CNTNAP2: variants seen among roughly 807,000 people sequenced by gnomAD.
The protein encoded by CNTNAP2 is contactin associated protein 2.
In CNTNAP2, 98 loss-of-function variants were observed where a neutral mutation model predicts 155.2. The observed-to-expected ratio is 0.63, with a 90% confidence interval of 0.54 to 0.75. The LOEUF is 0.75. Ranked by LOEUF, CNTNAP2 falls within the 30% of genes least tolerant of loss-of-function variation. CNTNAP2 has a pLI of 0.00. For synonymous variants in CNTNAP2, 651 were observed against 631.2 expected (o/e 1.03, Z -0.47); for missense variants, 1,727 against 1,688.1 (o/e 1.02, Z -0.40).
intron 13 of CNTNAP2, among the ~76,000 whole-genome samples, chr7:147,877,327 T>C (rs1392382656): frequency 1.3e-5 from 2 of 152,194 alleles, no homozygotes; most frequent in East Asian, 3.9e-4. Flanking sequence ...AACCAATCGG[T>C]CAGTCCATCC....
intron 21 of CNTNAP2, among the ~76,000 whole-genome samples, chr7:148,372,331 G>C (rs1220950307): frequency 6.6e-6 from 1 of 152,150 alleles, no homozygotes; most frequent in Non-Finnish European, 1.5e-5. Context: ...TGAAGGCCTA[G>C]GACATTATAC....
intron 3 of CNTNAP2, among the ~76,000 whole-genome samples, chr7:146,933,904 C>G (rs1020705194): frequency 2.6e-5 from 4 of 151,610 alleles, no homozygotes; most frequent in East Asian, 1.9e-4. Context: ...CCATCTCACA[C>G]CAGTTAGAAT....
intron 1 of CNTNAP2, among the ~76,000 whole-genome samples, chr7:146,341,080 G>C (rs994848090): frequency 5.9e-5 from 9 of 152,070 alleles, no homozygotes; most frequent in African/African-American, 2.2e-4. Flanking sequence ...ATGTTTAATA[G>C]TTATTAAAGT....
chr7:146,966,438 A>C (rs1048721019), intron 3 of CNTNAP2, among the ~76,000 whole-genome samples: 1 of 152,220 alleles, frequency 6.6e-6, no homozygotes, highest in Non-Finnish European at 1.5e-5. Flanking sequence ...CTGTGCCCAG[A>C]ACCAGCTGCC....
At chr7:147,320,256 A>C (rs769040494) in intron 9 of CNTNAP2, among the ~76,000 whole-genome samples, 11 of 152,206 alleles carry the variant, frequency 7.2e-5, no homozygotes, top group Non-Finnish European at 1.5e-4. Flanking sequence ...AGATATTTCT[A>C]CACATATCCT....
At chr7:148,131,807 A>G (rs1804836878) in intron 16 of CNTNAP2, among the ~76,000 whole-genome samples, 1 of 152,160 alleles carries the variant, frequency 6.6e-6, no homozygotes, top group South Asian at 2.1e-4. Context: ...AATTGATTCA[A>G]CTAGGGATGA....
chr7:147,453,566 C>T lies in CNTNAP2; in HGVS notation c.1671-32369C>T, dbSNP rs531649593. ...CTCACAACTAACCATGTGAATTAGG[C>T]GTTATATTCTACATTTCAAAAGAGA... is the stretch of plus-strand genomic sequence containing the variant. On this transcript the variant is annotated intron_variant, in intron 10 of 23. Coordinates refer to ENST00000361727, the MANE Select transcript of CNTNAP2 (RefSeq NM_014141.6). 1.2e-4 allele frequency among the ~76,000 whole-genome samples: 18 copies of T among 152,158 alleles called. No individual in the cohort carries two copies. In the South Asian group the frequency reaches 3.5e-3, roughly 30 times the overall value.
At chr7:146,213,374 A>G (rs1384589005) in intron 1 of CNTNAP2, among the ~76,000 whole-genome samples, 1 of 152,196 alleles carries the variant, frequency 6.6e-6, no homozygotes, top group Non-Finnish European at 1.5e-5. Context: ...TCATGGAAAC[A>G]TTAGTGTTGA....
intron 9 of CNTNAP2, among the ~76,000 whole-genome samples, chr7:147,350,810 A>G (rs981424717): frequency 1.3e-5 from 2 of 151,886 alleles, no homozygotes; most frequent in Non-Finnish European, 2.9e-5. Context: ...ATTTGTTCCT[A>G]GTCCATGTGC....
At chr7:146,689,005 ATAAT>A (rs2129171262) in intron 1 of CNTNAP2, among the ~76,000 whole-genome samples, 1 of 152,316 alleles carries the variant, frequency 6.6e-6, no homozygotes, top group South Asian at 2.1e-4. Context: ...GCTTCAAAAA[ATAAT>A]TATAAATGTT....
intron 3 of CNTNAP2, among the ~76,000 whole-genome samples, chr7:146,911,400 C>G (rs1450746229): frequency 1.3e-5 from 2 of 152,092 alleles, no homozygotes; most frequent in African/African-American, 2.4e-5. Context: ...AGACTTGGAA[C>G]CAACCCAAAT....
intron 13 of CNTNAP2, among the ~76,000 whole-genome samples, chr7:147,646,789 G>A (rs892020181): frequency 1.3e-5 from 2 of 152,114 alleles, no homozygotes; most frequent in Non-Finnish European, 2.9e-5. Context: ...GTTTTGCTGG[G>A]CCTAACTTTA....
chr7:146,807,900 G>A (rs1475124126), intron 2 of CNTNAP2, among the ~76,000 whole-genome samples: 4 of 152,084 alleles, frequency 2.6e-5, no homozygotes, highest in Non-Finnish European at 4.4e-5. Context: ...GTGACTTGAA[G>A]AATCACATTT....
At chr7:147,498,611 C>T (rs952952286) in intron 11 of CNTNAP2, among the ~76,000 whole-genome samples, 1 of 152,152 alleles carries the variant, frequency 6.6e-6, no homozygotes, top group Non-Finnish European at 1.5e-5. Context: ...TATTAGTAAT[C>T]AAGAAAAATG....
intron 3 of CNTNAP2, among the ~76,000 whole-genome samples, chr7:146,969,324 G>A (rs1467588786): frequency 6.6e-6 from 1 of 152,102 alleles, no homozygotes; most frequent in Admixed American, 6.6e-5. Flanking sequence ...ATGTCTATTA[G>A]GTCCGCTTGG....
intron 21 of CNTNAP2, among the ~76,000 whole-genome samples, chr7:148,271,942 T>C (rs1438035540): frequency 6.6e-6 from 1 of 152,092 alleles, no homozygotes; most frequent in Non-Finnish European, 1.5e-5. Flanking sequence ...TTTACTTTTA[T>C]AGGATCAGTT....
intron 13 of CNTNAP2, among the ~76,000 whole-genome samples, chr7:147,794,573 T>C (rs1239733589): frequency 6.6e-6 from 1 of 151,538 alleles, no homozygotes; most frequent in Non-Finnish European, 1.5e-5. Flanking sequence ...TATACCACAA[T>C]TCATAAGAGA....
chr7:146,433,695 C>T (rs1796203510), intron 1 of CNTNAP2, among the ~76,000 whole-genome samples: 1 of 152,020 alleles, frequency 6.6e-6, no homozygotes, highest in East Asian at 1.9e-4. Context: ...ACAGATGGTC[C>T]CTCATCACGC....
intron 11 of CNTNAP2, among the ~76,000 whole-genome samples, chr7:147,536,201 A>C (rs545171252): frequency 6.6e-6 from 1 of 152,174 alleles, no homozygotes. Flanking sequence ...CCTCCTTTGA[A>C]ACTCCTCTCC....
Sources: allele counts gnomAD v4.1 joint callset (sites outside exome capture counted in the v4.1 genomes callset), GRCh38; gene constraint gnomAD v4.1.1; transcripts MANE v1.5; gene names NCBI Gene and HGNC (gene_info 2026-07-23, HGNC 2026-07-21).